Variants in UBASH3B observed in about 807,000 individuals in gnomAD.
The protein encoded by UBASH3B is ubiquitin associated and SH3 domain containing B.
A neutral mutation model predicts 83.4 loss-of-function variants in UBASH3B; 37 were observed. The ratio of observed to expected loss-of-function variants is 0.44; its 90% CI spans 0.34 to 0.58. The LOEUF is 0.58. UBASH3B is among the 20% of genes least tolerant of loss of function. The pLI is 0.01. For missense variants in UBASH3B, 657 were observed against 827.2 expected, an observed-to-expected ratio of 0.79 and a Z score of 2.52; for synonymous variants, 304 against 318.3, an observed-to-expected ratio of 0.96 and a Z score of 0.48.
At chr11:122,683,743 T>TTGTG (rs57305276) in intron 1 of UBASH3B, among the ~76,000 whole-genome samples, 39 of 99,108 alleles carry the variant, frequency 3.9e-4, no homozygotes, top group East Asian at 9.4e-4. Flanking sequence ...TAAAAAAAAA[T>TTGTG]TGTGTGTGTG....
At chr11:122,690,195 TA>T (rs1485169529) in intron 1 of UBASH3B, among the ~76,000 whole-genome samples, 8,095 of 38,122 alleles carry the variant, frequency 0.21, 633 homozygotes, top group East Asian at 0.36. Flanking sequence ...TATATATATA[TA>T]TATATATATA....
intron 1 of UBASH3B, among the ~76,000 whole-genome samples, chr11:122,682,026 G>C (rs769489156): frequency 1.3e-4 from 20 of 152,054 alleles, no homozygotes; most frequent in Non-Finnish European, 2.6e-4. Flanking sequence ...TCTCCTGTCT[G>C]TTCTCCCTGC....
intron 1 of UBASH3B, among the ~76,000 whole-genome samples, chr11:122,665,520 G>A (rs978958203): frequency 6.6e-6 from 1 of 152,168 alleles, no homozygotes; most frequent in Non-Finnish European, 1.5e-5. Flanking sequence ...GACAGCACGA[G>A]GATGCTCTCA....
chr11:122,693,929 C>T (rs1160532690), intron 1 of UBASH3B, among the ~76,000 whole-genome samples: 2 of 152,136 alleles, frequency 1.3e-5, no homozygotes, highest in African/African-American at 4.8e-5. Context: ...TCCATTCATT[C>T]AGTCATTCAC....
At chr11:122,733,890 T>C (rs1039078170) in intron 1 of UBASH3B, among the ~76,000 whole-genome samples, 2 of 152,114 alleles carry the variant, frequency 1.3e-5, no homozygotes, top group Admixed American at 1.3e-4. Context: ...TCTCTTTTTT[T>C]TTGTTTTGTT....
At chr11:122,704,905 T>A (rs1034237302) in intron 1 of UBASH3B, among the ~76,000 whole-genome samples, 1 of 152,176 alleles carries the variant, frequency 6.6e-6, no homozygotes, top group African/African-American at 2.4e-5. Flanking sequence ...AACTGTCTTA[T>A]GTTTTCCTTA....
chr11:122,762,271 A>G (rs1328653693), intron 1 of UBASH3B, among the ~76,000 whole-genome samples: 6 of 152,044 alleles, frequency 3.9e-5, no homozygotes, highest in African/African-American at 1.5e-4. Context: ...CAAATGAGAG[A>G]GCTTTTGAAA....
At chr11:122,725,342 A>AAAAAAGAAG (rs71281633) in intron 1 of UBASH3B, among the ~76,000 whole-genome samples, 8 of 130,780 alleles carry the variant, frequency 6.1e-5, no homozygotes, top group Non-Finnish European at 9.7e-5. Context: ...AAAAAAAAAA[A>AAAAAAGAAG]AAGAAAAGAA....
chr11:122,690,689 G>C (rs1306547408), intron 1 of UBASH3B, among the ~76,000 whole-genome samples: 4 of 149,982 alleles, frequency 2.7e-5, no homozygotes, highest in Non-Finnish European at 4.4e-5. Context: ...GAGCCAGTGA[G>C]AGACACATAG....
chr11:122,762,473 T>G (rs1861387127), intron 1 of UBASH3B, among the ~76,000 whole-genome samples: 2 of 152,146 alleles, frequency 1.3e-5, no homozygotes, highest in Non-Finnish European at 2.9e-5. Context: ...TTAGGATACT[T>G]CCGCTCAGCA....
intron 1 of UBASH3B, among the ~76,000 whole-genome samples, chr11:122,751,178 G>C (rs1411826868): frequency 6.6e-6 from 1 of 152,200 alleles, no homozygotes; most frequent in Non-Finnish European, 1.5e-5. Flanking sequence ...AGCTTTTTAA[G>C]TTACACCTGG....
rs776918107 is a variant in UBASH3B, at chr11:122,656,116, A to AC, written c.73dup (p.Arg25ProfsTer47). 3.1e-6 allele frequency: 5 copies of AC among 1,596,222 alleles called. No homozygotes were observed. The highest frequency in any genetic ancestry group is 1.1e-5 in the South Asian group (1 of 88,562). On this transcript the variant is annotated frameshift_variant, in exon 1 of 14. Transcript: ENST00000284273. LOFTEE classifies it high-confidence loss of function. ...GAGAGAGGAGCTGTACAGCAAAGTC[A>AC]CCCCCCGGAGGAACCGCCAACAGCG...
chr11:122,699,141 C>G (rs192957425), intron 1 of UBASH3B, among the ~76,000 whole-genome samples: 1 of 152,182 alleles, frequency 6.6e-6, no homozygotes, highest in Admixed American at 6.5e-5. Flanking sequence ...TGAGCCACTG[C>G]GCCCGGATTG....
At chr11:122,770,906 C>T (rs1860630593) in intron 1 of UBASH3B, among the ~76,000 whole-genome samples, 1 of 152,230 alleles carries the variant, frequency 6.6e-6, no homozygotes, top group Non-Finnish European at 1.5e-5. Context: ...TCTAGCCTCC[C>T]AGCATCCAGC....
intron 1 of UBASH3B, chr11:122,727,698 G>C (rs1281094377): frequency 6.6e-6 from 1 of 152,270 alleles, no homozygotes; most frequent in African/African-American, 2.4e-5. Context: ...CTTTTCTTGA[G>C]GCAGTGTGTT....
At position 122,797,011 on chromosome 11, in the gene UBASH3B, A is replaced by T. The variant is rs1861168605; in HGVS notation, c.1335A>T (p.Gly445=). The T allele has an allele frequency of 6.2e-7, 1 of 1,612,922 alleles. No individual in the cohort carries two copies. Among genetic ancestry groups the T allele is most frequent in the Non-Finnish European group, 8.5e-7 (1 of 1,179,418 alleles). Residue 445 remains glycine (G), a synonymous_variant, in exon 9 of 14, where the codon GGA becomes GGT. Coordinates refer to ENST00000284273, the MANE Select transcript of UBASH3B (RefSeq NM_032873.5). Reference sequence around the variant, plus strand: ...AAGATGCTCCCATCACTGTGTTTGGATGCATGCAAGCAAGACTAGTGGGTA... The same window carrying T: ...AAGATGCTCCCATCACTGTGTTTGGTTGCATGCAAGCAAGACTAGTGGGTA... ...YEKDAPITVF[G]CMQARLVGEA...
At chr11:122,783,312 AGGGG>A in intron 5 of UBASH3B, 90 bp downstream of exon 5, 4 of 1,469,556 alleles carry the variant, frequency 2.7e-6, no homozygotes, top group Admixed American at 4.1e-5. Context: ...GGGTACCTAC[AGGGG>A]AAAAATGGAG....
At chr11:122,766,600 G>A (rs1292950455) in intron 1 of UBASH3B, among the ~76,000 whole-genome samples, 2 of 149,476 alleles carry the variant, frequency 1.3e-5, no homozygotes, top group South Asian at 4.3e-4. Context: ...AAAATTAGCC[G>A]GACGTGGTGG....
chr11:122,723,657 G>A (rs1390949812), intron 1 of UBASH3B, among the ~76,000 whole-genome samples: 3 of 152,234 alleles, frequency 2.0e-5, no homozygotes, highest in Non-Finnish European at 4.4e-5. Flanking sequence ...CCCAAGGGAT[G>A]TTTCAGCCCA....
Sources: gnomAD v4.1 joint callset for allele counts (sites outside exome capture counted in the v4.1 genomes callset) on GRCh38, gnomAD v4.1.1 for gene constraint, MANE v1.5 for transcripts, NCBI Gene and HGNC (gene_info 2026-07-23, HGNC 2026-07-21) for gene names.